The following RPS6KA2 variants were observed in gnomAD, a reference collection of about 807,000 sequenced individuals.
The protein encoded by RPS6KA2 is ribosomal protein S6 kinase A2, also known as ribosomal protein S6 kinase alpha-2.
RPS6KA2 carries 42 observed loss-of-function variants against 91.8 expected under a neutral mutation model. The observed-to-expected ratio is 0.46, with a 90% confidence interval of 0.36 to 0.59. RPS6KA2 has a LOEUF of 0.59. Among genes scored for constraint, RPS6KA2 ranks in the 20% least tolerant of loss-of-function variants. The probability of loss-of-function intolerance (pLI) is 0.00; values close to 1 mark genes in which losing one functional copy is unlikely to be tolerated. For missense variants in RPS6KA2, 798 were observed against 978.5 expected (o/e 0.82, Z 2.46); for synonymous variants, 414 against 393.6 (o/e 1.05, Z -0.61).
At chr6:166,748,116 G>A (rs930544285) in intron 2 of RPS6KA2, among the ~76,000 whole-genome samples, 1 of 152,212 alleles carries the variant, frequency 6.6e-6, no homozygotes, top group East Asian at 1.9e-4. Flanking sequence ...TGTCACTTTT[G>A]TATAGACTCT....
At chr6:166,449,069 T>C (rs147083730) in intron 13 of RPS6KA2, among the ~76,000 whole-genome samples, 16 of 152,286 alleles carry the variant, frequency 1.1e-4, no homozygotes, top group African/African-American at 1.9e-4. Flanking sequence ...CTATGACTCT[T>C]AACTTTGAGA....
At chr6:166,522,266 T>G (rs1300622799) in intron 3 of RPS6KA2, among the ~76,000 whole-genome samples, 1 of 152,198 alleles carries the variant, frequency 6.6e-6, no homozygotes, top group Non-Finnish European at 1.5e-5. Flanking sequence ...TAAATGCAAT[T>G]CTGTCAGCTG....
chr6:166,797,091 G>A (rs1015326620), intron 2 of RPS6KA2, among the ~76,000 whole-genome samples: 3 of 152,206 alleles, frequency 2.0e-5, no homozygotes, highest in African/African-American at 7.2e-5. Context: ...GCACAGCTGA[G>A]GATGATGTGG....
chr6:166,559,314 T>G (rs1296103375), intron 1 of RPS6KA2, among the ~76,000 whole-genome samples: 3 of 152,192 alleles, frequency 2.0e-5, no homozygotes, highest in Non-Finnish European at 4.4e-5. Context: ...GATAGAGGCA[T>G]GTAACAGGAG....
intron 2 of RPS6KA2, among the ~76,000 whole-genome samples, chr6:166,705,724 T>G (rs959739094): frequency 2.6e-5 from 4 of 152,206 alleles, no homozygotes; most frequent in Admixed American, 2.6e-4. Flanking sequence ...TCCAACAGAA[T>G]AGAGACTATT....
chr6:166,413,925 C>T lies in RPS6KA2; in HGVS notation c.1945G>A (p.Val649Met), dbSNP rs368787835. ...DSISDAAKDV[V>M]SKMLHVDPHQ... is the part of the protein sequence containing the mutation. ...GGGTCCACGTGGAGCATCTTGGACA[C>T]GACGTCCTGCCAGGGAAGGTCATGA... The change falls in exon 20 of 21, where the codon GTG becomes ATG. Residue 649 changes from valine (V) to methionine (M), a missense_variant. Val to Met is a conservative substitution (Grantham distance 21). Transcript: ENST00000265678. 93 of 1,613,502 alleles carry T rather than the reference C, an allele frequency of 5.8e-5. 1 individual carries two copies. Among genetic ancestry groups the T allele is most frequent in the Non-Finnish European group, 7.2e-5 (85 of 1,179,926 alleles).
chr6:166,819,078 G>T (rs1463364727), intron 2 of RPS6KA2, among the ~76,000 whole-genome samples: 1 of 151,934 alleles, frequency 6.6e-6, no homozygotes, highest in Non-Finnish European at 1.5e-5. Context: ...TTAGCACATG[G>T]ACACGCCACT....
At chr6:166,549,703 G>A (rs1047815024) in intron 1 of RPS6KA2, among the ~76,000 whole-genome samples, 4 of 152,238 alleles carry the variant, frequency 2.6e-5, no homozygotes, top group East Asian at 3.9e-4. Flanking sequence ...TATCTGTGGC[G>A]ATGGGACAGT....
intron 1 of RPS6KA2, chr6:166,858,392 C>T: frequency 3.1e-6 from 2 of 638,278 alleles, no homozygotes; most frequent in East Asian, 5.4e-5. Flanking sequence ...GAAACCATAT[C>T]ACCGTCCCTT....
At chr6:166,522,774 G>A (rs762407947) in intron 3 of RPS6KA2, among the ~76,000 whole-genome samples, 3 of 152,150 alleles carry the variant, frequency 2.0e-5, no homozygotes, top group Non-Finnish European at 4.4e-5. Flanking sequence ...ACGAGCCATC[G>A]TGTGGCTAAA....
intron 8 of RPS6KA2, among the ~76,000 whole-genome samples, chr6:166,492,008 G>A (rs1424908502): frequency 6.6e-6 from 1 of 152,090 alleles, no homozygotes; most frequent in African/African-American, 2.4e-5. Context: ...CCAATTTTCT[G>A]CTATTGTAAG....
chr6:166,713,889 T>C (rs3734603), intron 2 of RPS6KA2, among the ~76,000 whole-genome samples: 49,062 of 152,070 alleles, frequency 0.32, 10,814 homozygotes, highest in African/African-American at 0.63. Context: ...GCGCCCCTCA[T>C]AGTCAGCGGT....
intron 8 of RPS6KA2, 28 bp downstream of exon 8, chr6:166,498,480 G>A (rs368548634): frequency 6.3e-7 from 1 of 1,588,460 alleles, no homozygotes; most frequent in East Asian, 2.3e-5. Flanking sequence ...AGCCGCCATG[G>A]CACAGAAGAG....
At chr6:166,549,952 A>G (rs984066246) in intron 1 of RPS6KA2, among the ~76,000 whole-genome samples, 8 of 152,212 alleles carry the variant, frequency 5.3e-5, no homozygotes, top group African/African-American at 1.7e-4. Context: ...CTCTATAATC[A>G]TTTAAAAATT....
intron 3 of RPS6KA2, among the ~76,000 whole-genome samples, chr6:166,529,730 G>C (rs1783199165): frequency 6.6e-6 from 1 of 152,188 alleles, no homozygotes; most frequent in Admixed American, 6.5e-5. Flanking sequence ...CATATATCTA[G>C]GCCTTGTTTC....
At chr6:166,834,108 C>A (rs1780256500) in intron 2 of RPS6KA2, among the ~76,000 whole-genome samples, 1 of 152,138 alleles carries the variant, frequency 6.6e-6, no homozygotes, top group South Asian at 2.1e-4. Context: ...AAAGATGTTG[C>A]CCAACTATTT....
rs184435839 is a variant in RPS6KA2 at position 166,652,853 on chromosome 6, G to A, written c.124-114069C>T. ...GCAGGCAAGCACTATAATTAAACTC[G>A]CATGTCATCAATATTCCATCAGGGT... On this transcript the variant is annotated intron_variant, in intron 2 of 21. Transcript: ENST00000503859. Among the ~76,000 whole-genome samples the A allele has an allele frequency of 1.4e-3, 219 of 152,182 alleles. 1 individual carries two copies. The highest frequency in any genetic ancestry group is 4.9e-3 in the African/African-American group (204 of 41,528).
chr6:166,686,088 C>T (rs965054558), intron 2 of RPS6KA2, among the ~76,000 whole-genome samples: 5 of 152,108 alleles, frequency 3.3e-5, no homozygotes, highest in Non-Finnish European at 7.4e-5. Flanking sequence ...ACGGAAGGAT[C>T]GAGAATCTTA....
chr6:166,441,959 G>A (rs1779531910), intron 14 of RPS6KA2, among the ~76,000 whole-genome samples: 2 of 152,352 alleles, frequency 1.3e-5, no homozygotes, highest in South Asian at 4.1e-4. Context: ...TGAAGTTAGA[G>A]GAAGCGGTCC....
Sources: gnomAD v4.1 joint callset for allele counts (sites outside exome capture counted in the v4.1 genomes callset) on GRCh38, gnomAD v4.1.1 for gene constraint, MANE v1.5 for transcripts, NCBI Gene and HGNC (gene_info 2026-07-23, HGNC 2026-07-21) for gene names.